GPHN: variants seen among roughly 807,000 people sequenced by gnomAD.
GPHN encodes the protein gephyrin.
Under a neutral mutation model 95.5 loss-of-function variants are expected in GPHN, and 17 were observed. That is an observed-to-expected ratio of 0.18 (90% CI 0.12 to 0.27). The LOEUF (loss-of-function observed/expected upper bound fraction) is 0.27, where lower values mean the gene tolerates loss of function less well. Among genes scored for constraint, GPHN ranks in the 10% least tolerant of loss-of-function variants. The pLI is 1.00. For synonymous variants in GPHN, 320 were observed against 322.5 expected (o/e 0.99, Z 0.08); for missense variants, 660 against 978.1 (o/e 0.67, Z 4.34).
chr14:67,366,900 A>G, the GPHN span, among the ~76,000 whole-genome samples: 5 of 152,278 alleles, frequency 3.3e-5, no homozygotes, highest in South Asian at 8.3e-4. Context: ...AGACAGCTTC[A>G]AGCCAGGCAG....
At chr14:66,622,274 G>T (rs2063340884) in intron 1 of GPHN, among the ~76,000 whole-genome samples, 1 of 152,126 alleles carries the variant, frequency 6.6e-6, no homozygotes, top group African/African-American at 2.4e-5. Context: ...GGAGCAGCTG[G>T]GATGCAGGGC....
intron 1 of GPHN, among the ~76,000 whole-genome samples, chr14:66,579,030 A>G (rs2061034818): frequency 6.6e-6 from 1 of 151,884 alleles, no homozygotes; most frequent in African/African-American, 2.4e-5. Flanking sequence ...TAATTAAGTG[A>G]TATACAATAT....
intron 10 of GPHN, among the ~76,000 whole-genome samples, chr14:67,044,196 G>T (rs1287255629): frequency 5.3e-5 from 8 of 151,990 alleles, no homozygotes; most frequent in Non-Finnish European, 1.2e-4. Context: ...AATTAGCCAG[G>T]CATGGTGACA....
intron 17 of GPHN, among the ~76,000 whole-genome samples, chr14:67,134,862 C>T (rs757390306): frequency 3.5e-5 from 5 of 142,794 alleles, no homozygotes; most frequent in Admixed American, 2.8e-4. Flanking sequence ...CTTTCTCTTT[C>T]TTTTTTAATT....
At chr14:67,169,479 C>G (rs947923245) in intron 21 of GPHN, among the ~76,000 whole-genome samples, 2 of 152,168 alleles carry the variant, frequency 1.3e-5, no homozygotes, top group Non-Finnish European at 2.9e-5. Flanking sequence ...CAAAGGACTA[C>G]AAAGAGACCC....
chr14:66,712,389 C>T (rs2319496), intron 2 of GPHN, among the ~76,000 whole-genome samples: 49,924 of 151,996 alleles, frequency 0.33, 12,028 homozygotes, highest in African/African-American at 0.66. Flanking sequence ...ATGTCTTCTT[C>T]TGAGAAGTGT....
intron 1 of GPHN, among the ~76,000 whole-genome samples, chr14:66,545,594 TG>T (rs2059543972): frequency 8.3e-6 from 1 of 120,912 alleles, no homozygotes; most frequent in Non-Finnish European, 1.6e-5. Flanking sequence ...ACGGGGCGGC[TG>T]GCCGGGCGGG....
At chr14:67,627,256 G>GATAT in the GPHN span, among the ~76,000 whole-genome samples, 15,226 of 133,184 alleles carry the variant, frequency 0.11, 921 homozygotes, top group Middle Eastern at 0.13. Context: ...TCAGTAAGGA[G>GATAT]ATATATATAT....
At chr14:67,582,210 G>T in the GPHN span, 1 of 1,613,684 alleles carries the variant, frequency 6.2e-7, no homozygotes, top group East Asian at 2.2e-5. The surrounding 1 kb of genome is among the most constrained non-coding windows in gnomAD (Gnocchi z 5.0). Flanking sequence ...TGATGGCCCA[G>T]GTAAGGTTCT....
At chr14:66,841,031 A>ATAGATG (rs1182344967) in intron 4 of GPHN, among the ~76,000 whole-genome samples, 28 of 143,928 alleles carry the variant, frequency 1.9e-4, no homozygotes, top group African/African-American at 6.6e-4. Flanking sequence ...AGATATAGAT[A>ATAGATG]TAGGTATAGA....
At chr14:67,336,624 G>T in the GPHN span, 3 of 433,152 alleles carry the variant, frequency 6.9e-6, no homozygotes, top group East Asian at 7.2e-5. Flanking sequence ...AAAATATAAA[G>T]ATCAAATTAA....
chr14:67,661,012 G>A, the GPHN span, among the ~76,000 whole-genome samples: 1 of 152,130 alleles, frequency 6.6e-6, no homozygotes, highest in Non-Finnish European at 1.5e-5. Flanking sequence ...ATGCAAAACA[G>A]AGAAAAGGAT....
intron 8 of GPHN, among the ~76,000 whole-genome samples, chr14:66,964,340 T>C (rs1350223638): frequency 6.6e-6 from 1 of 152,168 alleles, no homozygotes; most frequent in Non-Finnish European, 1.5e-5. Flanking sequence ...TCTATTGTTG[T>C]CCTCAATTTT....
intron 4 of GPHN, among the ~76,000 whole-genome samples, chr14:66,853,548 A>G (rs138489739): frequency 2.6e-5 from 4 of 152,330 alleles, no homozygotes; most frequent in African/African-American, 9.6e-5. Context: ...GGCAGCAGGC[A>G]AGAGAGCTTG....
At chr14:67,035,287 G>A (rs766434288) in intron 10 of GPHN, among the ~76,000 whole-genome samples, 1 of 151,896 alleles carries the variant, frequency 6.6e-6, no homozygotes, top group Non-Finnish European at 1.5e-5. Flanking sequence ...GTACTTTAAT[G>A]AGGGGGAAAG....
intron 8 of GPHN, among the ~76,000 whole-genome samples, chr14:66,930,573 T>C (rs2066735321): frequency 6.6e-6 from 1 of 150,624 alleles, no homozygotes; most frequent in Admixed American, 6.7e-5. Flanking sequence ...TTGCCCAGGC[T>C]GGAGTGTAAT....
chr14:67,545,856 ATTG>A, the GPHN span, among the ~76,000 whole-genome samples: 44 of 152,282 alleles, frequency 2.9e-4, no homozygotes, highest in Admixed American at 2.7e-3. Context: ...GACAGTACTA[ATTG>A]TTGTTTCTCA....
intron 1 of GPHN, among the ~76,000 whole-genome samples, chr14:66,560,338 C>T (rs2060181958): frequency 6.6e-6 from 1 of 152,110 alleles, no homozygotes; most frequent in African/African-American, 2.4e-5. Context: ...GGCAGTTTGG[C>T]CATTTTCACG....
At chr14:67,234,426 A>G in the GPHN span, among the ~76,000 whole-genome samples, 1 of 152,358 alleles carries the variant, frequency 6.6e-6, no homozygotes, top group South Asian at 2.1e-4. Flanking sequence ...GATACTGCAG[A>G]CAGGTCACAT....
Sources: allele counts gnomAD v4.1 joint callset (sites outside exome capture counted in the v4.1 genomes callset), GRCh38; gene constraint gnomAD v4.1.1; non-coding constraint Gnocchi (gnomAD v3.1); transcripts MANE v1.5; gene names NCBI Gene and HGNC (gene_info 2026-07-23, HGNC 2026-07-21).